Variants in CFAP44 observed in about 807,000 individuals in gnomAD.
The protein encoded by CFAP44 is cilia- and flagella-associated protein 44.
CFAP44 carries 134 observed loss-of-function variants against 216.2 expected under a neutral mutation model. That is an observed-to-expected ratio of 0.62 (90% CI 0.54 to 0.72). The LOEUF is 0.72. Ranked by LOEUF, CFAP44 falls within the 30% of genes least tolerant of loss-of-function variation. The pLI is 0.00. For missense variants in CFAP44, 2,035 were observed against 2,182.1 expected (o/e 0.93, Z 1.34); for synonymous variants, 700 against 727.6 (o/e 0.96, Z 0.61).
At chr3:113,365,119 T>C (rs1950575592) in intron 19 of CFAP44, among the ~76,000 whole-genome samples, 1 of 152,150 alleles carries the variant, frequency 6.6e-6, no homozygotes, top group South Asian at 2.1e-4. Flanking sequence ...TAAACATTTT[T>C]CTATCCAATA....
At chr3:113,316,782 T>A (rs1205144140) in intron 28 of CFAP44, among the ~76,000 whole-genome samples, 1 of 151,564 alleles carries the variant, frequency 6.6e-6, no homozygotes, top group Non-Finnish European at 1.5e-5. Context: ...GGCACAAGAA[T>A]TGCTTGAATC....
intron 28 of CFAP44, among the ~76,000 whole-genome samples, chr3:113,318,949 T>C (rs1018125451): frequency 1.6e-5 from 2 of 127,154 alleles, no homozygotes; most frequent in African/African-American, 5.6e-5. Flanking sequence ...GACTCAAAAA[T>C]AAAAAAACAA....
rs190918744 is a variant in CFAP44 at position 113,426,827 on chromosome 3, C to T, written c.253+360G>A. 40 of 221,740 alleles carry T rather than the reference C, an allele frequency of 1.8e-4. 1 individual carries two copies. Among genetic ancestry groups the T allele is most frequent in the Middle Eastern group, 1.6e-3 (1 of 642 alleles). The allele number at this position is 221,740 out of a possible 1,614,324, so 13.7% of individuals were successfully genotyped here. On this transcript the variant is annotated intron_variant, in intron 3 of 34. Coordinates refer to ENST00000393845, the MANE Select transcript of CFAP44 (RefSeq NM_001164496.2). The stretch of plus-strand genomic sequence containing the variant: ...ATGGAAGGAAGAGCCATTATGCCCA[C>T]GTGCATCAGGAGTAAATGCTGAGTT...
intron 7 of CFAP44, 63 bp from the exon 8 acceptor site, chr3:113,407,104 G>T: frequency 1.7e-6 from 2 of 1,205,610 alleles, no homozygotes; most frequent in South Asian, 2.5e-5. Flanking sequence ...ATTTTAATAT[G>T]ACCCAAACAT....
At chr3:113,418,092 A>G (rs935943814) in intron 5 of CFAP44, among the ~76,000 whole-genome samples, 1 of 95,140 alleles carries the variant, frequency 1.1e-5, no homozygotes, top group African/African-American at 4.4e-5. Flanking sequence ...ATTTATTGAG[A>G]CACAATTTAT....
intron 22 of CFAP44, among the ~76,000 whole-genome samples, chr3:113,356,506 A>C (rs1950493543): frequency 6.6e-6 from 1 of 152,188 alleles, no homozygotes; most frequent in South Asian, 2.1e-4. Flanking sequence ...CAGATAGGCC[A>C]ATGAGATAGA....
chr3:113,332,124 C>G (rs548737221), intron 25 of CFAP44, among the ~76,000 whole-genome samples: 1 of 152,264 alleles, frequency 6.6e-6, no homozygotes, highest in East Asian at 1.9e-4. Context: ...TTGAAGATAT[C>G]ATACCTGCCC....
chr3:113,341,656 A>G, intron 24 of CFAP44, 88 bp downstream of exon 24: 1 of 1,250,620 alleles, frequency 8.0e-7, no homozygotes, highest in Non-Finnish European at 1.0e-6. Context: ...AAATGATAAC[A>G]ATGTCAATAA....
At chr3:113,307,883 T>C (rs902655794) in intron 29 of CFAP44, among the ~76,000 whole-genome samples, 1 of 152,108 alleles carries the variant, frequency 6.6e-6, no homozygotes, top group Non-Finnish European at 1.5e-5. Context: ...GGGAGGCTGA[T>C]GCAGGAGAAT....
chr3:113,315,072 G>A (rs1288476592), intron 28 of CFAP44, among the ~76,000 whole-genome samples: 1 of 151,906 alleles, frequency 6.6e-6, no homozygotes, highest in Non-Finnish European at 1.5e-5. Flanking sequence ...TAACAGACAA[G>A]CTCTAAAATA....
chr3:113,333,212 G>A (rs926681268), intron 25 of CFAP44, among the ~76,000 whole-genome samples, 194 bp downstream of exon 25: 10 of 151,950 alleles, frequency 6.6e-5, no homozygotes, highest in African/African-American at 9.7e-5. Flanking sequence ...GACAAATCTC[G>A]TGTCCTCTCT....
chr3:113,312,493 G>A (rs1038264822), intron 28 of CFAP44, among the ~76,000 whole-genome samples: 1 of 152,114 alleles, frequency 6.6e-6, no homozygotes. Context: ...ATTCAAGCTG[G>A]CTGCAGAAAT....
At chr3:113,378,704 G>A (rs1331100111) in intron 17 of CFAP44, among the ~76,000 whole-genome samples, 1 of 152,084 alleles carries the variant, frequency 6.6e-6, no homozygotes, top group Non-Finnish European at 1.5e-5. Flanking sequence ...ATAATTGGAG[G>A]ATATACTCCT....
chr3:113,350,581 T>A lies in CFAP44; in HGVS notation c.3066-5869A>T, dbSNP rs551334718. ...ACCTTATAACACTCCAATACCACCT[T>A]GTTGTCAGTGTAAACAAGGGTGTAG... On this transcript the variant is annotated intron_variant, in intron 22 of 34. Coordinates refer to ENST00000393845, the MANE Select transcript of CFAP44 (RefSeq NM_001164496.2). Among the ~76,000 whole-genome samples the A allele has an allele frequency of 7.2e-5, 11 of 152,346 alleles. No homozygotes were observed. The South Asian group carries it at 2.1e-3, about 29-fold the overall frequency.
At chr3:113,325,590 T>C (rs1950182638) in intron 28 of CFAP44, among the ~76,000 whole-genome samples, 1 of 152,018 alleles carries the variant, frequency 6.6e-6, no homozygotes, top group Admixed American at 6.5e-5. Flanking sequence ...GACTACGGCA[T>C]ATTGTGCTTT....
At chr3:113,335,914 T>C (rs1230312226) in intron 24 of CFAP44, among the ~76,000 whole-genome samples, 2 of 152,142 alleles carry the variant, frequency 1.3e-5, no homozygotes, top group Non-Finnish European at 2.9e-5. Context: ...AACAACTAAA[T>C]TAGAAATTTA....
intron 25 of CFAP44, among the ~76,000 whole-genome samples, chr3:113,332,518 G>A (rs1950248885): frequency 6.6e-6 from 1 of 152,192 alleles, no homozygotes; most frequent in African/African-American, 2.4e-5. Flanking sequence ...CCAAAGTGAT[G>A]CCTTGAAATG....
At chr3:113,381,144 T>C in intron 15 of CFAP44, 84 bp from the exon 16 acceptor site, 1 of 989,452 alleles carries the variant, frequency 1.0e-6, no homozygotes, top group South Asian at 2.6e-5. Context: ...AAAATATAAT[T>C]ACTATGTATA....
intron 15 of CFAP44, among the ~76,000 whole-genome samples, chr3:113,388,870 T>C (rs957319695): frequency 2.6e-5 from 4 of 152,180 alleles, no homozygotes; most frequent in Admixed American, 2.6e-4. Flanking sequence ...AACTCAGATA[T>C]ATAAGCCAAA....
Sources: gnomAD v4.1 joint callset for allele counts (sites outside exome capture counted in the v4.1 genomes callset) on GRCh38, gnomAD v4.1.1 for gene constraint, MANE v1.5 for transcripts, NCBI Gene and HGNC (gene_info 2026-07-23, HGNC 2026-07-21) for gene names.